Variants in C12orf60 observed in about 807,000 individuals in gnomAD.
C12orf60 encodes chromosome 12 open reading frame 60.
For synonymous variants in C12orf60, 102 were observed against 94.6 expected (o/e 1.08, Z -0.45); for missense variants, 284 against 283.2 (o/e 1.00, Z -0.02).
intron 1 of C12orf60, chr12:14,806,352 A>G: frequency 1.2e-6 from 2 of 1,614,174 alleles, no homozygotes; most frequent in South Asian, 1.1e-5. Context: ...CACTATTGCA[A>G]TTTTGTCTGT....
intron 1 of C12orf60, among the ~76,000 whole-genome samples, chr12:14,822,411 G>A (rs1950320742): frequency 6.6e-6 from 1 of 152,066 alleles, no homozygotes; most frequent in African/African-American, 2.4e-5. Context: ...TTTAAATGCT[G>A]TACTCCCTAC....
At position 14,823,560 on chromosome 12, in the gene C12orf60, G is replaced by A; in HGVS notation, c.625G>A (p.Asp209Asn). The A allele has an allele frequency of 6.2e-7, 1 of 1,613,904 alleles. No homozygotes were observed. The highest frequency in any genetic ancestry group is 1.1e-5 in the South Asian group (1 of 91,008). ...DSKNPTKSAADLLEQIVKAMG... is the reference protein window; with the variant it reads ...DSKNPTKSAANLLEQIVKAMG... ...CAAAAATCCCACAAAGTCAGCAGCA[G>A]ATTTGTTGGAACAAATTGTCAAGGC... Residue 209 changes from aspartate to asparagine, a missense_variant, in exon 2 of 2, where the codon GAT (aspartate) becomes AAT (asparagine). Coordinates refer to ENST00000330828, the MANE Select transcript of C12orf60 (RefSeq NM_175874.4).
intron 1 of C12orf60, among the ~76,000 whole-genome samples, chr12:14,818,623 C>G (rs923653581): frequency 1.3e-5 from 2 of 151,892 alleles, no homozygotes; most frequent in African/African-American, 4.8e-5. Context: ...TACTAAAATA[C>G]AAAAAATTTA....
chr12:14,805,955 A>G (rs1950041132), intron 1 of C12orf60: 1 of 1,514,398 alleles, frequency 6.6e-7, no homozygotes, highest in Non-Finnish European at 8.9e-7. Context: ...AAACACTGTT[A>G]CTGAAAAGGA....
At chr12:14,813,704 A>G (rs988353124) in intron 1 of C12orf60, among the ~76,000 whole-genome samples, 33 of 152,226 alleles carry the variant, frequency 2.2e-4, no homozygotes, top group African/African-American at 8.0e-4. Context: ...AGTACTATAC[A>G]TTAACCAGTA....
intron 1 of C12orf60, among the ~76,000 whole-genome samples, chr12:14,812,637 A>G (rs1950159124): frequency 6.6e-6 from 1 of 152,148 alleles, no homozygotes; most frequent in Admixed American, 6.5e-5. Context: ...TGGCATAAGT[A>G]ATGGGAATTA....
intron 1 of C12orf60, chr12:14,806,166 A>G: frequency 6.2e-7 from 1 of 1,614,102 alleles, no homozygotes; most frequent in Non-Finnish European, 8.5e-7. Context: ...AATCATATCT[A>G]TGCCAAGGCC....
intron 1 of C12orf60, chr12:14,805,695 A>G (rs977323408): frequency 8.2e-6 from 2 of 243,762 alleles, no homozygotes; most frequent in Non-Finnish European, 1.6e-5. Flanking sequence ...GAAAAGAGAA[A>G]AGTAACCCCT....
intron 1 of C12orf60, among the ~76,000 whole-genome samples, chr12:14,817,693 G>A (rs1324674609): frequency 1.3e-5 from 2 of 152,158 alleles, no homozygotes; most frequent in African/African-American, 4.8e-5. Flanking sequence ...GTATTCCATG[G>A]TGTATATGTA....
At chr12:14,809,631 T>C (rs934207938) in intron 1 of C12orf60, among the ~76,000 whole-genome samples, 1 of 152,118 alleles carries the variant, frequency 6.6e-6, no homozygotes, top group African/African-American at 2.4e-5. Flanking sequence ...GTGTAATATA[T>C]GTAGAAAATT....
At chr12:14,816,629 C>T (rs1264712976) in intron 1 of C12orf60, among the ~76,000 whole-genome samples, 1 of 152,068 alleles carries the variant, frequency 6.6e-6, no homozygotes, top group Non-Finnish European at 1.5e-5. Context: ...CTGCCTCTTG[C>T]AAAATTGCTT....
At chr12:14,812,847 T>C (rs10846062) in intron 1 of C12orf60, among the ~76,000 whole-genome samples, 89,067 of 151,810 alleles carry the variant, frequency 0.59, 26,559 homozygotes, top group Admixed American at 0.64. Flanking sequence ...TGAATGATCC[T>C]GTCACCCAGA....
intron 1 of C12orf60, among the ~76,000 whole-genome samples, chr12:14,818,347 C>T (rs777223153): frequency 1.3e-5 from 2 of 152,216 alleles, no homozygotes; most frequent in Non-Finnish European, 1.5e-5. Context: ...TCAATTTTGG[C>T]TTTTGTTGCA....
At position 14,805,575 on chromosome 12, in the gene C12orf60, A is replaced by T. The variant is rs143690094; in HGVS notation, c.-25+1824A>T. ...ATTCGAAGGCCTAGAGTTTGTGTCT[A>T]GGCAGAAGTTACTGAGTATGTCCCC... On this transcript the variant is annotated intron_variant, in intron 1 of 1. Transcript: ENST00000330828. The T allele has an allele frequency of 1.9e-3, 294 of 156,618 alleles. 1 individual carries two copies. In the East Asian group the frequency reaches 0.019, roughly 10 times the overall value. The allele number at this position is 156,618 out of a possible 1,614,324, so 9.7% of individuals were successfully genotyped here. A position where few individuals can be genotyped will look rare whatever the true frequency, so the allele number is the denominator to read the frequency against.
At chr12:14,804,076 G>T (rs985985084) in intron 1 of C12orf60, among the ~76,000 whole-genome samples, 1 of 152,152 alleles carries the variant, frequency 6.6e-6, no homozygotes, top group Non-Finnish European at 1.5e-5. Flanking sequence ...TTATATGGGC[G>T]GTGATTTATT....
intron 1 of C12orf60, among the ~76,000 whole-genome samples, chr12:14,813,101 G>A (rs1306223740): frequency 6.6e-6 from 1 of 152,154 alleles, no homozygotes; most frequent in Non-Finnish European, 1.5e-5. Flanking sequence ...TTTTAAAGCT[G>A]AGTTATGGGT....
At chr12:14,822,851 T>G in intron 1 of C12orf60, 61 bp from the exon 2 acceptor site, 1 of 1,408,784 alleles carries the variant, frequency 7.1e-7, no homozygotes, top group East Asian at 2.3e-5. Context: ...ATACTTTCAG[T>G]TTCTTTATGG....
intron 1 of C12orf60, among the ~76,000 whole-genome samples, chr12:14,821,025 A>G (rs1160795418): frequency 2.0e-5 from 3 of 151,986 alleles, no homozygotes; most frequent in African/African-American, 7.3e-5. Context: ...TTGATCTTGT[A>G]TTTTTCAACC....
chr12:14,811,787 G>A (rs961561781), intron 1 of C12orf60, among the ~76,000 whole-genome samples: 2 of 152,160 alleles, frequency 1.3e-5, no homozygotes, highest in African/African-American at 4.8e-5. Context: ...GGGTACTTTC[G>A]TGAATAACAG....
Sources: allele counts gnomAD v4.1 joint callset (sites outside exome capture counted in the v4.1 genomes callset), GRCh38; gene constraint gnomAD v4.1.1; transcripts MANE v1.5; gene names NCBI Gene and HGNC (gene_info 2026-07-23, HGNC 2026-07-21).